The following REDIC1 variants were observed in gnomAD, a reference collection of about 807,000 sequenced individuals.
The protein encoded by REDIC1 is regulator of DNA class I crossover intermediates 1.
chr12:39,770,650 T>A, the REDIC1 span, among the ~76,000 whole-genome samples: 2 of 152,038 alleles, frequency 1.3e-5, no homozygotes, highest in African/African-American at 2.4e-5. Flanking sequence ...ATCTGCACAC[T>A]CAATGCTTAG....
the REDIC1 span, chr12:39,721,168 G>A: frequency 6.2e-7 from 1 of 1,613,660 alleles, no homozygotes; most frequent in Non-Finnish European, 8.5e-7. Context: ...TAGAAGTGAT[G>A]TTTCTCTTTG....
the REDIC1 span, among the ~76,000 whole-genome samples, chr12:39,699,451 C>T: frequency 8.9e-4 from 136 of 152,326 alleles, 1 homozygote; most frequent in East Asian, 0.02. Context: ...GAGGGTCCTA[C>T]GCCCAGGGAG....
chr12:39,699,042 G>A, the REDIC1 span, among the ~76,000 whole-genome samples: 1 of 151,972 alleles, frequency 6.6e-6, no homozygotes, highest in Non-Finnish European at 1.5e-5. Context: ...AAGTATCAAT[G>A]AAAAAAAGTT....
chr12:39,812,357 CT>C, the REDIC1 span, among the ~76,000 whole-genome samples: 4 of 140,390 alleles, frequency 2.8e-5, no homozygotes, highest in Non-Finnish European at 6.1e-5. Flanking sequence ...CTTTTCTTTT[CT>C]TTTCTTTTCT....
At chr12:39,684,872 A>G in the REDIC1 span, 5 of 1,610,122 alleles carry the variant, frequency 3.1e-6, no homozygotes, top group African/African-American at 1.3e-5. Flanking sequence ...CTTAGGGGAA[A>G]TATACCTTCG....
chr12:39,715,941 G>T, the REDIC1 span, among the ~76,000 whole-genome samples: 1 of 151,996 alleles, frequency 6.6e-6, no homozygotes, highest in South Asian at 2.1e-4. Flanking sequence ...CTTTTCGGGG[G>T]TATAAATTTC....
chr12:39,637,504 A>G, the REDIC1 span, among the ~76,000 whole-genome samples: 8 of 152,110 alleles, frequency 5.3e-5, no homozygotes, highest in East Asian at 1.9e-4. Context: ...GTTGTAGTAC[A>G]TAAGTCGAAG....
At chr12:39,750,134 G>A in the REDIC1 span, among the ~76,000 whole-genome samples, 2 of 152,220 alleles carry the variant, frequency 1.3e-5, no homozygotes, top group South Asian at 4.1e-4. Flanking sequence ...AATTGTCCCT[G>A]TTTGCAGATG....
At chr12:39,782,808 T>C in the REDIC1 span, among the ~76,000 whole-genome samples, 16 of 152,096 alleles carry the variant, frequency 1.1e-4, no homozygotes. Context: ...CAGGCTGAGG[T>C]GGTCTCAGAG....
At chr12:39,822,678 T>C in the REDIC1 span, among the ~76,000 whole-genome samples, 1 of 152,230 alleles carries the variant, frequency 6.6e-6, no homozygotes, top group Non-Finnish European at 1.5e-5. Context: ...ATAAAAATCT[T>C]AGTCTTCTTT....
the REDIC1 span, among the ~76,000 whole-genome samples, chr12:39,817,674 A>G: frequency 1.3e-5 from 2 of 152,218 alleles, no homozygotes; most frequent in African/African-American, 4.8e-5. Context: ...TTCAGTTAGT[A>G]GTCATCTTAG....
the REDIC1 span, among the ~76,000 whole-genome samples, chr12:39,672,532 A>G: frequency 6.6e-6 from 1 of 152,124 alleles, no homozygotes. Flanking sequence ...TCTTCAGCGC[A>G]TGCACAAGTT....
chr12:39,711,957 ATATATC>A, the REDIC1 span, among the ~76,000 whole-genome samples: 5 of 130,876 alleles, frequency 3.8e-5, no homozygotes, highest in African/African-American at 1.4e-4. Flanking sequence ...ATACATACAT[ATATATC>A]TATGTATATA....
chr12:39,820,069 G>A, the REDIC1 span, among the ~76,000 whole-genome samples: 1 of 151,972 alleles, frequency 6.6e-6, no homozygotes, highest in Non-Finnish European at 1.5e-5. Flanking sequence ...TGTCCATGCA[G>A]AACAGCTCTA....
At chr12:39,690,267 T>C in the REDIC1 span, among the ~76,000 whole-genome samples, 1 of 152,182 alleles carries the variant, frequency 6.6e-6, no homozygotes, top group South Asian at 2.1e-4. Context: ...TGTGGTGTTC[T>C]CAAGAGCCTT....
the REDIC1 span, among the ~76,000 whole-genome samples, chr12:39,670,567 C>T: frequency 2.0e-5 from 3 of 152,112 alleles, no homozygotes; most frequent in African/African-American, 7.2e-5. Context: ...TTTTGGGATC[C>T]TTTAGTTATC....
At chr12:39,754,086 C>T in the REDIC1 span, among the ~76,000 whole-genome samples, 3 of 152,036 alleles carry the variant, frequency 2.0e-5, no homozygotes, top group Non-Finnish European at 4.4e-5. Flanking sequence ...ATCTATCTGC[C>T]TGGGTCTGAA....
the REDIC1 span, among the ~76,000 whole-genome samples, chr12:39,835,912 G>C: frequency 6.6e-6 from 1 of 152,048 alleles, no homozygotes; most frequent in African/African-American, 2.4e-5. Context: ...ATTGTCAAAG[G>C]GTATTTTAAG....
the REDIC1 span, among the ~76,000 whole-genome samples, chr12:39,826,428 AGT>A: frequency 6.6e-6 from 1 of 150,476 alleles, no homozygotes; most frequent in African/African-American, 2.4e-5. Flanking sequence ...TTGTAAAAAC[AGT>A]TATATTTAGA....
Sources: gnomAD v4.1 joint callset for allele counts (sites outside exome capture counted in the v4.1 genomes callset) on GRCh38, gnomAD v4.1.1 for gene constraint, MANE v1.5 for transcripts, NCBI Gene and HGNC (gene_info 2026-07-23, HGNC 2026-07-21) for gene names.